HEATR1: variants seen among roughly 807,000 people sequenced by gnomAD.
HEATR1 encodes the protein HEAT repeat-containing protein 1.
Under a neutral mutation model 248.2 loss-of-function variants are expected in HEATR1, and 77 were observed. That is an observed-to-expected ratio of 0.31 (90% CI 0.26 to 0.37). The LOEUF (loss-of-function observed/expected upper bound fraction) is 0.37, where lower values mean the gene tolerates loss of function less well. Ranked by LOEUF, HEATR1 falls within the 10% of genes least tolerant of loss-of-function variation. The pLI, the probability that HEATR1 is intolerant of heterozygous loss-of-function variation, is 1.00. For synonymous variants in HEATR1, 897 were observed against 923.1 expected (o/e 0.97, Z 0.51); for missense variants, 2,420 against 2,504.9 (o/e 0.97, Z 0.72).
At position 236,553,671 on chromosome 1, in the gene HEATR1, G is replaced by A. The variant is rs749435212; in HGVS notation, c.6147C>T (p.Ile2049=). ...ERVTKHLIPC[I]AQFSVAMADD... is the part of the protein sequence containing the mutation. The stretch of plus-strand genomic sequence containing the variant: ...CCGCCATGGCCACCGAAAACTGTGC[G>A]ATGCATGGTATCAGGTGCTTTGTCA... Residue 2049 remains isoleucine, a synonymous_variant, in exon 43 of 45, where the codon ATC becomes ATT. Coordinates refer to ENST00000366582, the MANE Select transcript of HEATR1 (RefSeq NM_018072.6). 8 of 1,613,842 alleles carry A rather than the reference G, an allele frequency of 5.0e-6. No individual in the cohort carries two copies. Among genetic ancestry groups the A allele is most frequent in the East Asian group, 4.5e-5 (2 of 44,890 alleles).
chr1:236,571,312 C>G, intron 28 of HEATR1, 39 bp downstream of exon 28: 6 of 1,555,548 alleles, frequency 3.9e-6, no homozygotes, highest in Non-Finnish European at 5.2e-6. Flanking sequence ...AGAAAAATAT[C>G]TGAAATATCT....
chr1:236,595,150 A>G (rs1664137704), intron 8 of HEATR1, among the ~76,000 whole-genome samples: 1 of 152,174 alleles, frequency 6.6e-6, no homozygotes, highest in African/African-American at 2.4e-5. Flanking sequence ...TAATTACTCT[A>G]GGGAAAAAAC....
chr1:236,555,458 C>A lies in HEATR1; in HGVS notation c.5761G>T (p.Asp1921Tyr). 6.2e-7 allele frequency: 1 copy of A among 1,614,218 alleles called. No homozygotes were observed. The highest frequency in any genetic ancestry group is 1.1e-5 in the South Asian group (1 of 91,084). The change falls in exon 41 of 45, where the codon GAT (aspartate) becomes TAT (tyrosine). Residue 1921 changes from aspartate (D) to tyrosine (Y), a missense_variant. Asp to Tyr is a radical substitution (Grantham distance 160, BLOSUM62 -3). Coordinates refer to ENST00000366582, the MANE Select transcript of HEATR1 (RefSeq NM_018072.6). Reference sequence around the variant, plus strand: ...GGGGCATCTTCTGTTTTAGCCCAATCAAACAGCTGAAAGGATAAGACAGTA... The same window carrying A: ...GGGGCATCTTCTGTTTTAGCCCAATAAAACAGCTGAAAGGATAAGACAGTA... ...TFRPLFFKLFDWAKTEDAPKD... is the reference protein window; with the variant it reads ...TFRPLFFKLFYWAKTEDAPKD...
At position 236,555,922 on chromosome 1, in the gene HEATR1, A is replaced by C. The variant is rs1331490680; in HGVS notation, c.5532T>G (p.Phe1844Leu). ...EKNWKNHMGP[F>L]MSILQEHIGV... The stretch of plus-strand genomic sequence containing the variant: ...CAATATGCTCTTGCAAGATGCTCAT[A>C]AACGGACCCATGTGATTCTACCAAT... The change falls in exon 39 of 45, where the codon TTT becomes TTG. Residue 1844 changes from phenylalanine to leucine, a missense_variant. Transcript: ENST00000366582. The C allele has an allele frequency of 6.2e-7, 1 of 1,613,712 alleles. No individual in the cohort carries two copies. The highest frequency in any genetic ancestry group is 1.1e-5 in the South Asian group (1 of 91,074).
chr1:236,563,872 T>C (rs1204667994), intron 32 of HEATR1, among the ~76,000 whole-genome samples: 1 of 152,150 alleles, frequency 6.6e-6, no homozygotes, highest in African/African-American at 2.4e-5. Context: ...CCCAGCACTA[T>C]GGGAACTCGA....
Position 236,592,515 on chromosome 1 carries a change from T to C in HEATR1, c.1304+8A>G. 8.7e-7 allele frequency: 1 copy of C among 1,148,140 alleles called. No individual in the cohort carries two copies. Among genetic ancestry groups the C allele is most frequent in the East Asian group, 2.4e-5 (1 of 41,986 alleles). The allele number at this position is 1,148,140 out of a possible 1,614,324, so 71.1% of individuals were successfully genotyped here. ...TTAGAAGAGCATAAACATACACACG[T>C]AACTTACTTGCTTTCTAAAAGCCTA... On this transcript the variant is annotated splice_region_variant and intron_variant, in intron 10 of 44. Coordinates refer to ENST00000366582, the MANE Select transcript of HEATR1 (RefSeq NM_018072.6).
In HEATR1 at chr1:236,561,123, T is replaced by C. The variant is rs1663118902; in HGVS notation, c.4646+102A>G. ...AGAAAGTATTATCAAATGGTGAACC[T>C]GGTTGTAAAGAGTATATGAATTTTC... On this transcript the variant is annotated intron_variant, in intron 33 of 44. Transcript: ENST00000366582. 3.3e-5 allele frequency: 28 copies of C among 849,494 alleles called. No individual in the cohort carries two copies. In the East Asian group the frequency reaches 6.9e-4, roughly 21 times the overall value. 52.6% of individuals were successfully genotyped at this position (849,494 alleles called of 1,614,324 possible). A position where few individuals can be genotyped will look rare whatever the true frequency, so the allele number is the denominator to read the frequency against.
In HEATR1 at chr1:236,574,530, C is replaced by T. The variant is rs150953030; in HGVS notation, c.3327+131G>A. 3.4e-3 allele frequency: 4,279 copies of T among 1,261,126 alleles called. 16 individuals carry two copies. Among genetic ancestry groups the T allele is most frequent in the South Asian group, 0.01 (670 of 65,302 alleles). The allele number at this position is 1,261,126 out of a possible 1,614,324, so 78.1% of individuals were successfully genotyped here. On this transcript the variant is annotated intron_variant, in intron 23 of 44. Coordinates refer to ENST00000366582, the MANE Select transcript of HEATR1 (RefSeq NM_018072.6). ...TCAAATACATCATTTTCCTTTAAAA[C>T]GTCTAGTCCACCTGTAACTATCTTC...
At chr1:236,571,748 T>C in intron 26 of HEATR1, 62 bp from the exon 27 acceptor site, 2 of 1,185,404 alleles carry the variant, frequency 1.7e-6, no homozygotes, top group Admixed American at 1.7e-5. Context: ...CATTGTTACA[T>C]TAATGGCCAT....
rs1664397603 is a variant in HEATR1 at position 236,603,947 on chromosome 1, G to T, written c.142+7C>A. On this transcript the variant is annotated splice_region_variant and intron_variant, in intron 2 of 44. Transcript: ENST00000366582. ...CAAGAGCTTTTCTAAGTTAAAAGAT[G>T]GCTCACCAATGGCGAAGGCGGTGTC... 6.3e-7 allele frequency: 1 copy of T among 1,586,262 alleles called. No individual in the cohort carries two copies. The highest frequency in any genetic ancestry group is 2.0e-5 in the Admixed American group (1 of 51,022).
rs1052544054 is a variant in HEATR1, at chr1:236,549,524, T to G, written c.*1378A>C. On this transcript the variant is annotated 3_prime_UTR_variant, in exon 45 of 45. Coordinates refer to ENST00000366582, the MANE Select transcript of HEATR1 (RefSeq NM_018072.6). ...ATATTGAAAAGAATACCATTGTCAA[T>G]CTTATTTTTTTAAAAGTACTCAGTG... is the stretch of plus-strand genomic sequence containing the variant. The G allele has an allele frequency of 1.3e-5, 2 of 151,878 alleles. No homozygotes were observed. The highest frequency in any genetic ancestry group is 4.8e-5 in the African/African-American group (2 of 41,430). 9.4% of individuals were successfully genotyped at this position (151,878 alleles called of 1,614,324 possible).
chr1:236,592,124 A>G lies in HEATR1; in HGVS notation c.1305-14T>C. 4 of 1,333,746 alleles carry G rather than the reference A, an allele frequency of 3.0e-6. No individual in the cohort carries two copies. The highest frequency in any genetic ancestry group is 4.3e-6 in the Non-Finnish European group (4 of 936,004). The allele number at this position is 1,333,746 out of a possible 1,614,324, so 82.6% of individuals were successfully genotyped here. On this transcript the variant is annotated splice_polypyrimidine_tract_variant and intron_variant, in intron 10 of 44. Transcript: ENST00000366582. ...GTTCTGGGGTATCTGGGAAGCAATT[A>G]AAAAGTGAATTCATTATTCTTAATA...
At chr1:236,587,123 C>T (rs1395416317) in intron 14 of HEATR1, among the ~76,000 whole-genome samples, 1 of 151,998 alleles carries the variant, frequency 6.6e-6, no homozygotes, top group East Asian at 1.9e-4. Context: ...GAAAGTCCTA[C>T]CCATCTTACT....
chr1:236,574,071 T>C (rs2103136059), intron 24 of HEATR1, 131 bp downstream of exon 24: 2 of 684,274 alleles, frequency 2.9e-6, no homozygotes, highest in Non-Finnish European at 4.5e-6. Context: ...GACTTACTTT[T>C]CCATGATTTT....
At chr1:236,567,467 T>C (rs975476114) in intron 29 of HEATR1, among the ~76,000 whole-genome samples, 1 of 152,108 alleles carries the variant, frequency 6.6e-6, no homozygotes, top group South Asian at 2.1e-4. Flanking sequence ...TCCCAACACT[T>C]TGGGAGGCCA....
At position 236,574,642 on chromosome 1, in the gene HEATR1, T is replaced by C. The variant is rs201875842; in HGVS notation, c.3327+19A>G. 423 of 1,605,660 alleles carry C rather than the reference T, an allele frequency of 2.6e-4. No homozygotes were observed. The highest frequency in any genetic ancestry group is 8.3e-4 in the Middle Eastern group (5 of 6,020). On this transcript the variant is annotated intron_variant, in intron 23 of 44. Coordinates refer to ENST00000366582, the MANE Select transcript of HEATR1 (RefSeq NM_018072.6). The stretch of plus-strand genomic sequence containing the variant: ...TGCTTGAACATGCTATGCCTTAGTT[T>C]CTGAAAGAAATCACTGACCTTTTCA...
intron 20 of HEATR1, among the ~76,000 whole-genome samples, chr1:236,579,391 T>C (rs932131182): frequency 2.6e-5 from 4 of 152,228 alleles, no homozygotes; most frequent in African/African-American, 7.2e-5. Context: ...CATATATGAC[T>C]CAGAGGCCAC....
intron 22 of HEATR1, 142 bp downstream of exon 22, chr1:236,576,076 AT>A: frequency 1.9e-6 from 1 of 530,236 alleles, no homozygotes; most frequent in Non-Finnish European, 3.2e-6. Context: ...ACCTCAACTC[AT>A]CCCCCTCTCA....
chr1:236,582,099 TTTTA>T (rs994514964), intron 19 of HEATR1, among the ~76,000 whole-genome samples: 18 of 152,196 alleles, frequency 1.2e-4, no homozygotes, highest in East Asian at 5.8e-4. Context: ...CACAGTATCT[TTTTA>T]TTTATTTATT....
Sources: gnomAD v4.1 joint callset for allele counts (sites outside exome capture counted in the v4.1 genomes callset) on GRCh38, gnomAD v4.1.1 for gene constraint, MANE v1.5 for transcripts, NCBI Gene and HGNC (gene_info 2026-07-23, HGNC 2026-07-21) for gene names.